The following STPG2 variants were observed in gnomAD, a reference collection of about 807,000 sequenced individuals.
STPG2 encodes sperm tail PG-rich repeat containing 2.
Under a neutral mutation model 54.2 loss-of-function variants are expected in STPG2, and 56 were observed. The ratio of observed to expected loss-of-function variants is 1.03; its 90% CI spans 0.83 to 1.29. The LOEUF is 1.29. Among genes scored for constraint, STPG2 ranks in the 50% most tolerant of loss-of-function variants. STPG2 has a pLI of 0.00. For synonymous variants in STPG2, 200 were observed against 181.8 expected (o/e 1.10, Z -0.81); for missense variants, 596 against 544.9 (o/e 1.09, Z -0.93).
At chr4:97,840,685 C>T in intron 9 of STPG2, 88 bp downstream of exon 9, 2 of 1,452,592 alleles carry the variant, frequency 1.4e-6, no homozygotes, top group Non-Finnish European at 1.9e-6. Context: ...TTTTCAGTCT[C>T]CAAGAACCTA....
chr4:97,563,916 T>G (rs1415217224), intron 10 of STPG2, among the ~76,000 whole-genome samples: 1 of 152,192 alleles, frequency 6.6e-6, no homozygotes, highest in Admixed American at 6.5e-5. Context: ...TTCTGTTGAT[T>G]TGTGGTGGAG....
At chr4:97,992,368 C>A (rs1560626177) in intron 5 of STPG2, among the ~76,000 whole-genome samples, 1 of 151,986 alleles carries the variant, frequency 6.6e-6, no homozygotes, top group Admixed American at 6.6e-5. Context: ...CCTTTCGCCA[C>A]TTTATGTTTT....
At chr4:97,521,284 A>G (rs1731175655) in intron 4 of STPG2, among the ~76,000 whole-genome samples, 1 of 152,096 alleles carries the variant, frequency 6.6e-6, no homozygotes, top group Non-Finnish European at 1.5e-5. Context: ...ACAGCAGAAG[A>G]TCAAAGAATT....
At chr4:97,518,397 A>G (rs2148845588) in intron 4 of STPG2, among the ~76,000 whole-genome samples, 1 of 152,264 alleles carries the variant, frequency 6.6e-6, no homozygotes, top group South Asian at 2.1e-4. Flanking sequence ...GGGCAGATAC[A>G]TTCAAGTATT....
At chr4:97,461,952 T>A (rs930852749) in intron 4 of STPG2, among the ~76,000 whole-genome samples, 12 of 152,178 alleles carry the variant, frequency 7.9e-5, no homozygotes, top group African/African-American at 2.2e-4. Flanking sequence ...TTATTGAATG[T>A]CATTCAATAT....
chr4:97,724,737 C>T (rs1048522886), intron 9 of STPG2, among the ~76,000 whole-genome samples: 2 of 152,068 alleles, frequency 1.3e-5, no homozygotes, highest in African/African-American at 4.8e-5. Flanking sequence ...ATGTGAACCA[C>T]CTACTTTGTT....
At chr4:97,955,049 CA>C (rs1293062276) in intron 7 of STPG2, among the ~76,000 whole-genome samples, 3 of 151,740 alleles carry the variant, frequency 2.0e-5, no homozygotes, top group Non-Finnish European at 4.4e-5. Context: ...AAGAATTAAA[CA>C]GGCATTCTAG....
intron 4 of STPG2, among the ~76,000 whole-genome samples, chr4:97,526,028 A>G (rs2148849778): frequency 6.6e-6 from 1 of 152,228 alleles, no homozygotes; most frequent in Non-Finnish European, 1.5e-5. Flanking sequence ...TCATAACACC[A>G]TTACCTTAAA....
chr4:97,531,749 G>A (rs1375166411), intron 4 of STPG2, among the ~76,000 whole-genome samples: 2 of 152,176 alleles, frequency 1.3e-5, no homozygotes, highest in South Asian at 2.1e-4. Flanking sequence ...TGTGGGAATG[G>A]TCAATGGGTA....
intron 10 of STPG2, among the ~76,000 whole-genome samples, chr4:97,654,107 T>C (rs977200584): frequency 6.6e-6 from 1 of 152,106 alleles, no homozygotes; most frequent in Non-Finnish European, 1.5e-5. Flanking sequence ...GAGAATATCT[T>C]TAAGGAAAGA....
At chr4:97,487,366 A>C (rs1730394479) in intron 4 of STPG2, among the ~76,000 whole-genome samples, 1 of 151,648 alleles carries the variant, frequency 6.6e-6, no homozygotes, top group African/African-American at 2.4e-5. Context: ...CTATTACACA[A>C]TATAACTATC....
chr4:97,447,464 C>T (rs964834405), intron 4 of STPG2, among the ~76,000 whole-genome samples: 1 of 152,174 alleles, frequency 6.6e-6, no homozygotes, highest in Non-Finnish European at 1.5e-5. Context: ...GGCCTAGAGG[C>T]CTAGGAGGGA....
At chr4:97,603,118 C>CA (rs1356071918) in intron 10 of STPG2, among the ~76,000 whole-genome samples, 1 of 151,284 alleles carries the variant, frequency 6.6e-6, no homozygotes, top group Non-Finnish European at 1.5e-5. Context: ...AACTCAACTA[C>CA]AAAAAACAAA....
At chr4:97,616,834 T>C (rs1024706721) in intron 10 of STPG2, among the ~76,000 whole-genome samples, 1 of 152,100 alleles carries the variant, frequency 6.6e-6, no homozygotes, top group Non-Finnish European at 1.5e-5. Flanking sequence ...AATGTATATG[T>C]GCCCTCTAAA....
chr4:97,525,944 G>A (rs2148849725), intron 4 of STPG2, among the ~76,000 whole-genome samples: 1 of 151,852 alleles, frequency 6.6e-6, no homozygotes, highest in Non-Finnish European at 1.5e-5. Flanking sequence ...TGTTCAAAAG[G>A]CAATTTAAGA....
chr4:97,774,617 T>C (rs572203821), intron 9 of STPG2, among the ~76,000 whole-genome samples: 3 of 152,296 alleles, frequency 2.0e-5, no homozygotes, highest in East Asian at 1.9e-4. Context: ...TTTTGCTTTC[T>C]CTTGGTGGTA....
intron 8 of STPG2, among the ~76,000 whole-genome samples, chr4:97,909,045 G>A (rs1321177995): frequency 2.3e-5 from 3 of 129,948 alleles, no homozygotes; most frequent in Non-Finnish European, 4.9e-5. Flanking sequence ...ATAATAATAA[G>A]TTGTGGCAGC....
intron 5 of STPG2, among the ~76,000 whole-genome samples, chr4:97,982,508 T>A (rs1260093951): frequency 6.6e-6 from 1 of 152,102 alleles, no homozygotes; most frequent in African/African-American, 2.4e-5. Flanking sequence ...ATATCCACAG[T>A]ACAGTTATCA....
At chr4:97,782,950 A>C (rs1726696056) in intron 9 of STPG2, among the ~76,000 whole-genome samples, 1 of 152,214 alleles carries the variant, frequency 6.6e-6, no homozygotes, top group Non-Finnish European at 1.5e-5. Context: ...TAAAGACTTC[A>C]ATGTTAGACC....
Sources: allele counts gnomAD v4.1 joint callset (sites outside exome capture counted in the v4.1 genomes callset), GRCh38; gene constraint gnomAD v4.1.1; transcripts MANE v1.5; gene names NCBI Gene and HGNC (gene_info 2026-07-23, HGNC 2026-07-21).